Variants in TMC5 observed in about 807,000 individuals in gnomAD.
TMC5 encodes transmembrane channel-like protein 5.
TMC5 carries 86 observed loss-of-function variants against 110.5 expected under a neutral mutation model. The ratio of observed to expected loss-of-function variants is 0.78; its 90% CI spans 0.65 to 0.93. The LOEUF is 0.93. TMC5 is among the 40% of genes least tolerant of loss of function. The probability of loss-of-function intolerance (pLI) is 0.00; values close to 1 mark genes in which losing one functional copy is unlikely to be tolerated. For synonymous variants in TMC5, 455 were observed against 439.5 expected (o/e 1.04, Z -0.44); for missense variants, 1,144 against 1,222.8 (o/e 0.94, Z 0.96).
At chr16:19,488,086 A>G (rs1371392453) in intron 17 of TMC5, among the ~76,000 whole-genome samples, 3 of 151,926 alleles carry the variant, frequency 2.0e-5, no homozygotes, top group African/African-American at 7.3e-5. Flanking sequence ...AGAGTGTGAG[A>G]GCCTGATAAA....
intron 14 of TMC5, 65 bp downstream of exon 14, chr16:19,479,593 G>T: frequency 8.6e-7 from 1 of 1,167,006 alleles, no homozygotes; most frequent in South Asian, 1.3e-5. Flanking sequence ...ATTCCTGGCT[G>T]AGTGGGACAT....
rs80323221 is a variant in TMC5, at chr16:19,457,702, C to G, written c.1049-2533C>G. 2.4e-3 allele frequency among the ~76,000 whole-genome samples: 175 copies of G among 73,108 alleles called. 5 individuals carry two copies. The East Asian group carries it at 0.079, about 33-fold the overall frequency. 48.0% of individuals were successfully genotyped at this position (73,108 alleles called of 152,430 possible). A position where few individuals can be genotyped will look rare whatever the true frequency, so the allele number is the denominator to read the frequency against. ...ATACAGGTCTATCTGATTCCCAAGACTACATTCTTTTTTTTTTTTTTTTTT... is the reference window on the plus strand; with the variant it reads ...ATACAGGTCTATCTGATTCCCAAGAGTACATTCTTTTTTTTTTTTTTTTTT... On this transcript the variant is annotated intron_variant, in intron 5 of 21. Transcript: ENST00000542583.
chr16:19,462,015 G>T (rs535586412), intron 6 of TMC5, among the ~76,000 whole-genome samples: 34 of 152,292 alleles, frequency 2.2e-4, no homozygotes, highest in African/African-American at 8.2e-4. Context: ...CCATGACATT[G>T]GGATGGGCCT....
intron 1 of TMC5, among the ~76,000 whole-genome samples, chr16:19,419,379 G>T: frequency 6.9e-6 from 1 of 145,662 alleles, no homozygotes; most frequent in African/African-American, 2.5e-5. Flanking sequence ...GGGAAAAGAA[G>T]CTCAGTGGAA....
At chr16:19,466,038 T>G (rs1968179647) in intron 8 of TMC5, 44 bp from the exon 9 acceptor site, 1 of 1,606,242 alleles carries the variant, frequency 6.2e-7, no homozygotes, top group Admixed American at 1.7e-5. Context: ...TTTACCTTTT[T>G]TTTCAGGAGA....
upstream of TMC5, among the ~76,000 whole-genome samples, chr16:19,413,593 A>G (rs1443028513): frequency 7.1e-6 from 1 of 140,966 alleles, no homozygotes; most frequent in East Asian, 2.2e-4. Context: ...TAAGGCTGGC[A>G]TGGGATGGGA....
upstream of TMC5, among the ~76,000 whole-genome samples, chr16:19,413,275 G>T (rs1397968380): frequency 6.6e-6 from 1 of 152,020 alleles, no homozygotes; most frequent in Non-Finnish European, 1.5e-5. Flanking sequence ...TGTATTCCCA[G>T]CACTTTGGGA....
chr16:19,477,350 T>C (rs1234415881), intron 12 of TMC5, 90 bp from the exon 13 acceptor site: 2 of 984,244 alleles, frequency 2.0e-6, no homozygotes, highest in Non-Finnish European at 3.2e-6. Context: ...CAGGAATTTC[T>C]ATCTTACCAT....
In TMC5 at chr16:19,432,010, G is replaced by T. The variant is rs191287074; in HGVS notation, c.-80+1370G>T. Among the ~76,000 whole-genome samples the T allele has an allele frequency of 4.4e-3, 672 of 152,270 alleles. 5 individuals carry two copies. Among genetic ancestry groups the T allele is most frequent in the Non-Finnish European group, 4.8e-3 (324 of 68,010 alleles). On this transcript the variant is annotated intron_variant, in intron 2 of 21. Coordinates refer to ENST00000542583, the MANE Select transcript of TMC5 (RefSeq NM_001261841.2). ...CCTTAGCAATTCTGGCTGAGTGTCT[G>T]GGTTTCGTGAGATCATTTTGGTGGT...
rs969492361 is a variant in TMC5, at chr16:19,445,537, T to C, written c.958+1287T>C. ...GATTACAGGCTTGAGCCTGGGCCAA[T>C]TCTGAACAGTTCTTACTTTCTAGGA... On this transcript the variant is annotated intron_variant, in intron 4 of 21. Coordinates refer to ENST00000542583, the MANE Select transcript of TMC5 (RefSeq NM_001261841.2). 3.3e-5 allele frequency among the ~76,000 whole-genome samples: 5 copies of C among 152,134 alleles called. No homozygotes were observed. In the East Asian group the frequency reaches 9.7e-4, roughly 30 times the overall value.
At chr16:19,456,699 G>A in intron 5 of TMC5, 1 of 1,600,608 alleles carries the variant, frequency 6.2e-7, no homozygotes, top group Non-Finnish European at 8.5e-7. Context: ...GCTTGCAGGA[G>A]GCAGGAGATG....
chr16:19,477,420 A>G lies in TMC5; in HGVS notation c.2091-20A>G. The G allele has an allele frequency of 6.4e-7, 1 of 1,562,700 alleles. No homozygotes were observed. Among genetic ancestry groups the G allele is most frequent in the Non-Finnish European group, 8.8e-7 (1 of 1,133,532 alleles). On this transcript the variant is annotated intron_variant, in intron 12 of 21. Coordinates refer to ENST00000542583, the MANE Select transcript of TMC5 (RefSeq NM_001261841.2). ...AGACTGCCATTGAAGGTAATCATAA[A>G]TGTTGTCTCTTCTGTTTAGAAACAT... is the stretch of plus-strand genomic sequence containing the variant.
chr16:19,415,113 G>A (rs779289128), upstream of TMC5, among the ~76,000 whole-genome samples: 8 of 152,196 alleles, frequency 5.3e-5, no homozygotes, highest in Non-Finnish European at 8.8e-5. Context: ...GAAGCAACCA[G>A]TATTGCCAAC....
Position 19,422,190 on chromosome 16 carries a change from C to G in TMC5, c.-308+4098C>G, listed in dbSNP as rs112665680. 2.0e-3 allele frequency among the ~76,000 whole-genome samples: 306 copies of G among 150,880 alleles called. 3 individuals carry two copies. Among genetic ancestry groups the G allele is most frequent in the African/African-American group, 6.0e-3 (246 of 40,904 alleles). ...AGGTTGCAGTGAGCCAAGATCACAC[C>G]ACTATACTCCAGCCCGGGCAACAGA... is the stretch of plus-strand genomic sequence containing the variant. On this transcript the variant is annotated intron_variant, in intron 1 of 21. Coordinates refer to ENST00000542583, the MANE Select transcript of TMC5 (RefSeq NM_001261841.2).
rs1968092584 is a variant in TMC5 at position 19,463,921 on chromosome 16, T to G, written c.1382T>G (p.Ile461Ser). 2 of 1,614,184 alleles carry G rather than the reference T, an allele frequency of 1.2e-6. No homozygotes were observed. Among genetic ancestry groups the G allele is most frequent in the Non-Finnish European group, 1.7e-6 (2 of 1,180,034 alleles). The change falls in exon 8 of 22, where the codon ATT becomes AGT. Residue 461 changes from isoleucine (I) to serine (S), a missense_variant. Physicochemically the swap from Ile to Ser is moderately radical, Grantham distance 142 (BLOSUM62 -2). Coordinates refer to ENST00000542583, the MANE Select transcript of TMC5 (RefSeq NM_001261841.2). ...CTGAGATGGCTTTTGAAGTTCAACA[T>G]TTTCTCATTCATCCTGAACTTCAGC... Reference protein sequence around the residue: ...NFLRWLLKFNIFSFILNFSFI... With the variant: ...NFLRWLLKFNSFSFILNFSFI...
chr16:19,447,147 G>GC (rs1967633028), intron 4 of TMC5, among the ~76,000 whole-genome samples: 1 of 152,164 alleles, frequency 6.6e-6, no homozygotes, highest in Non-Finnish European at 1.5e-5. Flanking sequence ...TTACGGGTCT[G>GC]CAAGGTTGGT....
Position 19,487,036 on chromosome 16 carries a change from A to G in TMC5, c.2439+16A>G, listed in dbSNP as rs756107455. The stretch of plus-strand genomic sequence containing the variant: ...CTCCAAAAATGTGAGTCAGTCCGAC[A>G]TTGCCATCAATCAGCTTTGTTCAGT... On this transcript the variant is annotated intron_variant, in intron 16 of 21. Transcript: ENST00000542583. The G allele has an allele frequency of 9.9e-6, 16 of 1,613,340 alleles. No homozygotes were observed. Among genetic ancestry groups the G allele is most frequent in the African/African-American group, 2.7e-5 (2 of 74,908 alleles).
intron 4 of TMC5, among the ~76,000 whole-genome samples, chr16:19,444,757 C>A (rs530255674): frequency 6.6e-6 from 1 of 152,294 alleles, no homozygotes; most frequent in East Asian, 1.9e-4. Context: ...TCAGAACCTA[C>A]TGGGGGAAAA....
intron 4 of TMC5, among the ~76,000 whole-genome samples, chr16:19,448,293 TACACACACACGCACACACACAC>T (rs1368779494): frequency 2.7e-5 from 3 of 110,160 alleles, no homozygotes; most frequent in African/African-American, 3.9e-5. Flanking sequence ...AACCATTATT[TACACACACACGCACACACACAC>T]ACACACACAC....
Sources: allele counts gnomAD v4.1 joint callset (sites outside exome capture counted in the v4.1 genomes callset), GRCh38; gene constraint gnomAD v4.1.1; transcripts MANE v1.5; gene names NCBI Gene and HGNC (gene_info 2026-07-23, HGNC 2026-07-21).